The following RSU1 variants were observed in gnomAD, a reference collection of about 807,000 sequenced individuals.
The protein encoded by RSU1 is rsu-1.
Under a neutral mutation model 31.1 loss-of-function variants are expected in RSU1, and 26 were observed. That is an observed-to-expected ratio of 0.84 (90% CI 0.61 to 1.16). The LOEUF is 1.16. RSU1 is among the 50% of genes most tolerant of loss of function. The probability of loss-of-function intolerance (pLI) is 0.00; values close to 1 mark genes in which losing one functional copy is unlikely to be tolerated. For synonymous variants in RSU1, 164 were observed against 136.3 expected, an observed-to-expected ratio of 1.20 and a Z score of -1.41; for missense variants, 320 against 339.1, an observed-to-expected ratio of 0.94 and a Z score of 0.44.
At chr10:16,594,652 TATATC>T (rs1833578467) in intron 8 of RSU1, among the ~76,000 whole-genome samples, 2 of 144,046 alleles carry the variant, frequency 1.4e-5, no homozygotes, top group African/African-American at 5.4e-5. Context: ...ATATATGATA[TATATC>T]ATATATTATC....
intron 2 of RSU1, among the ~76,000 whole-genome samples, chr10:16,795,434 C>T (rs1184605329): frequency 6.8e-6 from 1 of 148,044 alleles, no homozygotes; most frequent in Non-Finnish European, 1.5e-5. Context: ...ATGCTTAAAA[C>T]ATGACTGGCA....
At chr10:16,673,700 G>A (rs1471323044) in intron 8 of RSU1, among the ~76,000 whole-genome samples, 1 of 152,186 alleles carries the variant, frequency 6.6e-6, no homozygotes, top group African/African-American at 2.4e-5. Context: ...ACAGCCTCCT[G>A]CAGCACACAG....
At chr10:16,777,338 TGGAG>T (rs765239723) in intron 3 of RSU1, among the ~76,000 whole-genome samples, 21 of 151,844 alleles carry the variant, frequency 1.4e-4, no homozygotes. Context: ...GTAAGGATAT[TGGAG>T]GAAGAGAAAT....
intron 2 of RSU1, among the ~76,000 whole-genome samples, chr10:16,809,227 G>T (rs550643336): frequency 2.6e-4 from 39 of 152,144 alleles, no homozygotes; most frequent in Non-Finnish European, 5.1e-4. Context: ...CATTTCCTTT[G>T]ATTGGAAACA....
chr10:16,780,760 C>A (rs747951773), intron 3 of RSU1, among the ~76,000 whole-genome samples: 1 of 152,186 alleles, frequency 6.6e-6, no homozygotes, highest in Non-Finnish European at 1.5e-5. Flanking sequence ...AATCTGGTCT[C>A]TGTGGACCAC....
At chr10:16,743,326 T>C (rs1383528972) in intron 7 of RSU1, among the ~76,000 whole-genome samples, 3 of 152,216 alleles carry the variant, frequency 2.0e-5, no homozygotes, top group African/African-American at 7.2e-5. Context: ...AACTGGATTC[T>C]GTCTATAATA....
At chr10:16,722,966 A>G (rs564570930) in intron 7 of RSU1, 709 of 147,656 alleles carry the variant, frequency 4.8e-3, no homozygotes, top group African/African-American at 0.017. Flanking sequence ...ACACATATAC[A>G]TATATGTATA....
chr10:16,810,553 C>T (rs1393829812), intron 2 of RSU1, among the ~76,000 whole-genome samples: 1 of 152,100 alleles, frequency 6.6e-6, no homozygotes, highest in African/African-American at 2.4e-5. Flanking sequence ...TGGGCCCAGC[C>T]GCCCAACTTC....
intron 7 of RSU1, among the ~76,000 whole-genome samples, chr10:16,708,439 T>C (rs963548380): frequency 5.3e-5 from 8 of 152,156 alleles, no homozygotes; most frequent in African/African-American, 1.9e-4. Flanking sequence ...GAAGAAAATC[T>C]ACATAAAAGT....
intron 2 of RSU1, among the ~76,000 whole-genome samples, chr10:16,786,027 T>A (rs2131653542): frequency 6.6e-6 from 1 of 152,296 alleles, no homozygotes; most frequent in Non-Finnish European, 1.5e-5. Context: ...GTAACAACTG[T>A]GGCCACTAGA....
intron 8 of RSU1, among the ~76,000 whole-genome samples, chr10:16,598,765 G>A (rs1396888512): frequency 2.6e-5 from 4 of 152,176 alleles, no homozygotes; most frequent in Non-Finnish European, 4.4e-5. Context: ...AGAACTGTCA[G>A]GTAATACATT....
chr10:16,762,706 G>C (rs1311506219), intron 4 of RSU1, among the ~76,000 whole-genome samples: 2 of 152,134 alleles, frequency 1.3e-5, no homozygotes, highest in Admixed American at 6.5e-5. Context: ...CCATGAATGA[G>C]ATTTTTTTTC....
At chr10:16,737,705 T>A (rs1356240084) in intron 7 of RSU1, among the ~76,000 whole-genome samples, 1 of 151,614 alleles carries the variant, frequency 6.6e-6, no homozygotes. Context: ...CGGCAGTCAA[T>A]GTGAAAAACT....
At chr10:16,696,868 G>GTA (rs1269514339) in intron 7 of RSU1, among the ~76,000 whole-genome samples, 3 of 151,592 alleles carry the variant, frequency 2.0e-5, no homozygotes, top group African/African-American at 7.3e-5. Flanking sequence ...TTAGGGAGGG[G>GTA]GTTTTTAGAG....
At chr10:16,757,103 ATGTGTGGGTG>A (rs1837108900) in intron 4 of RSU1, among the ~76,000 whole-genome samples, 1 of 140,714 alleles carries the variant, frequency 7.1e-6, no homozygotes, top group African/African-American at 2.7e-5. Flanking sequence ...GCGTGTGGGT[ATGTGTGGGTG>A]TGCGTGTGTG....
intron 8 of RSU1, among the ~76,000 whole-genome samples, chr10:16,660,307 G>T (rs922784258): frequency 1.3e-5 from 2 of 152,180 alleles, no homozygotes; most frequent in Admixed American, 1.3e-4. Context: ...GGAGCAGGGG[G>T]AATTGGCTTG....
At chr10:16,650,437 T>G (rs1193333279) in intron 8 of RSU1, among the ~76,000 whole-genome samples, 1 of 152,170 alleles carries the variant, frequency 6.6e-6, no homozygotes, top group South Asian at 2.1e-4. Flanking sequence ...ATGTTCACTG[T>G]TATTCATAAA....
At chr10:16,742,860 T>G (rs1836780173) in intron 7 of RSU1, among the ~76,000 whole-genome samples, 1 of 152,086 alleles carries the variant, frequency 6.6e-6, no homozygotes, top group African/African-American at 2.4e-5. Flanking sequence ...AGGCAATAAC[T>G]CACCAGGCAG....
At chr10:16,623,382 G>GTAGT (rs1834103280) in intron 8 of RSU1, among the ~76,000 whole-genome samples, 1 of 152,182 alleles carries the variant, frequency 6.6e-6, no homozygotes, top group African/African-American at 2.4e-5. Context: ...TTATGGCTGT[G>GTAGT]TAGTATTCAG....
Sources: allele counts gnomAD v4.1 joint callset (sites outside exome capture counted in the v4.1 genomes callset), GRCh38; gene constraint gnomAD v4.1.1; transcripts MANE v1.5; gene names NCBI Gene and HGNC (gene_info 2026-07-23, HGNC 2026-07-21).